Variants in GRIK2 observed in about 807,000 individuals in gnomAD.
The protein encoded by GRIK2 is glutamate ionotropic receptor kainate type subunit 2.
In GRIK2, 32 loss-of-function variants were observed where a neutral mutation model predicts 100.3. The observed-to-expected ratio is 0.32, with a 90% confidence interval of 0.24 to 0.43. The LOEUF is 0.43. GRIK2 is among the 20% of genes least tolerant of loss of function. GRIK2 has a pLI of 1.00. For missense variants in GRIK2, 843 were observed against 1,114.9 expected (o/e 0.76, Z 3.47); for synonymous variants, 417 against 389.4 (o/e 1.07, Z -0.83).
chr6:101,815,846 A>G (rs2128420637), intron 9 of GRIK2, among the ~76,000 whole-genome samples: 1 of 152,274 alleles, frequency 6.6e-6, no homozygotes, highest in Non-Finnish European at 1.5e-5. Flanking sequence ...AAAGCCACTG[A>G]TATTTCTGAA....
intron 2 of GRIK2, among the ~76,000 whole-genome samples, chr6:101,574,401 A>T (rs974188256): frequency 9.4e-5 from 14 of 148,778 alleles, no homozygotes; most frequent in Non-Finnish European, 2.1e-4. Context: ...ACACTTTAGC[A>T]GCTTATTTAT....
At chr6:101,553,874 G>A (rs1346612536) in intron 2 of GRIK2, among the ~76,000 whole-genome samples, 1 of 152,160 alleles carries the variant, frequency 6.6e-6, no homozygotes, top group Non-Finnish European at 1.5e-5. Context: ...ATCAGGAGAC[G>A]CCTTGAATCA....
intron 12 of GRIK2, among the ~76,000 whole-genome samples, chr6:101,912,766 G>A (rs1293426447): frequency 1.3e-5 from 2 of 151,530 alleles, no homozygotes; most frequent in South Asian, 4.2e-4. Flanking sequence ...AGTGGCCTGA[G>A]GTTCTTAATA....
chr6:101,435,729 T>A (rs976008940), intron 2 of GRIK2, among the ~76,000 whole-genome samples: 1 of 152,144 alleles, frequency 6.6e-6, no homozygotes, highest in African/African-American at 2.4e-5. Context: ...AGAACCCACT[T>A]TCTCTTCTGA....
intron 2 of GRIK2, among the ~76,000 whole-genome samples, chr6:101,439,405 T>A (rs886281005): frequency 5.3e-5 from 8 of 152,096 alleles, no homozygotes; most frequent in African/African-American, 1.9e-4. Context: ...AAAGTCTTCA[T>A]TACACAAGTA....
intron 14 of GRIK2, among the ~76,000 whole-genome samples, chr6:101,997,001 T>C (rs1046158472): frequency 6.6e-6 from 1 of 152,152 alleles, no homozygotes; most frequent in African/African-American, 2.4e-5. Flanking sequence ...TTATTTGAGT[T>C]GTTAAAAAAT....
chr6:101,993,688 A>G (rs952418769), intron 14 of GRIK2: 1 of 150,326 alleles, frequency 6.7e-6, no homozygotes, highest in Non-Finnish European at 1.5e-5. Context: ...AGAAATATGT[A>G]CATATTTATC....
At chr6:101,990,013 C>T (rs1443930755) in intron 14 of GRIK2, among the ~76,000 whole-genome samples, 2 of 151,656 alleles carry the variant, frequency 1.3e-5, no homozygotes, top group Non-Finnish European at 3.0e-5. Flanking sequence ...AGAAACAAGT[C>T]ATCTTCCAAG....
intron 2 of GRIK2, among the ~76,000 whole-genome samples, chr6:101,448,953 C>CATTACATT (rs1404366755): frequency 6.6e-6 from 1 of 151,416 alleles, no homozygotes; most frequent in Non-Finnish European, 1.5e-5. Flanking sequence ...CATTATTGTT[C>CATTACATT]ATGGGATATT....
At chr6:101,801,220 C>A (rs1780647980) in intron 8 of GRIK2, among the ~76,000 whole-genome samples, 1 of 151,912 alleles carries the variant, frequency 6.6e-6, no homozygotes, top group Admixed American at 6.6e-5. Flanking sequence ...ACTTCTTGAT[C>A]TTTTTGTTTA....
intron 9 of GRIK2, among the ~76,000 whole-genome samples, chr6:101,815,872 G>T (rs907029269): frequency 3.3e-5 from 5 of 152,004 alleles, no homozygotes; most frequent in Non-Finnish European, 7.4e-5. Context: ...ATAATATTAC[G>T]CTAAGAAAGC....
chr6:101,694,665 G>A (rs1031755026), intron 7 of GRIK2, among the ~76,000 whole-genome samples: 1 of 151,882 alleles, frequency 6.6e-6, no homozygotes, highest in African/African-American at 2.4e-5. Context: ...AAGGAAGAGT[G>A]GATCTATTTT....
At chr6:101,502,240 T>C in intron 2 of GRIK2, among the ~76,000 whole-genome samples, 1 of 152,126 alleles carries the variant, frequency 6.6e-6, no homozygotes, top group East Asian at 1.9e-4. Flanking sequence ...CTAATACATA[T>C]TGAAAGGTAC....
At chr6:101,740,811 C>G (rs965734061) in intron 7 of GRIK2, among the ~76,000 whole-genome samples, 12 of 152,214 alleles carry the variant, frequency 7.9e-5, no homozygotes, top group Non-Finnish European at 1.6e-4. Flanking sequence ...TTTTTAACCT[C>G]TAGCTCTCCT....
intron 14 of GRIK2, among the ~76,000 whole-genome samples, chr6:101,954,514 A>G (rs1791793343): frequency 6.6e-6 from 1 of 152,032 alleles, no homozygotes. Flanking sequence ...CTGATAGTTC[A>G]ATTTTATATA....
chr6:101,642,833 T>C (rs1383552440), intron 4 of GRIK2, among the ~76,000 whole-genome samples: 4 of 151,654 alleles, frequency 2.6e-5, no homozygotes, highest in Non-Finnish European at 4.4e-5. Flanking sequence ...ATAATGGATA[T>C]AACATCATTC....
intron 2 of GRIK2, among the ~76,000 whole-genome samples, chr6:101,571,412 A>G (rs892646962): frequency 6.6e-6 from 1 of 152,172 alleles, no homozygotes; most frequent in African/African-American, 2.4e-5. Flanking sequence ...CATTTATTTT[A>G]TCTTTTCACT....
intron 10 of GRIK2, among the ~76,000 whole-genome samples, chr6:101,834,831 A>G (rs1782957588): frequency 6.6e-6 from 1 of 151,854 alleles, no homozygotes; most frequent in Non-Finnish European, 1.5e-5. Context: ...AGACCCTATT[A>G]CTACAAATAA....
At chr6:101,557,416 T>C (rs9404119) in intron 2 of GRIK2, among the ~76,000 whole-genome samples, 24,040 of 152,162 alleles carry the variant, frequency 0.16, 2,187 homozygotes, top group South Asian at 0.31. Context: ...TATACAGCTC[T>C]CTATTAACTG....
Sources: allele counts gnomAD v4.1 joint callset (sites outside exome capture counted in the v4.1 genomes callset), GRCh38; gene constraint gnomAD v4.1.1; transcripts MANE v1.5; gene names NCBI Gene and HGNC (gene_info 2026-07-23, HGNC 2026-07-21).